Variants in TBX20 observed in about 807,000 individuals in gnomAD.
The protein encoded by TBX20 is T-box transcription factor TBX20.
TBX20 carries 8 observed loss-of-function variants against 42.9 expected under a neutral mutation model. That is an observed-to-expected ratio of 0.19 (90% CI 0.11 to 0.34). The LOEUF is 0.34. TBX20 is among the 10% of genes least tolerant of loss of function. The probability of loss-of-function intolerance (pLI) is 1.00; values close to 1 mark genes in which losing one functional copy is unlikely to be tolerated. For missense variants in TBX20, 411 were observed against 566.0 expected, an observed-to-expected ratio of 0.73 and a Z score of 2.78; for synonymous variants, 198 against 222.8, an observed-to-expected ratio of 0.89 and a Z score of 0.99.
At chr7:35,213,877 CAAAAAAAAAA>C in intron 6 of TBX20, among the ~76,000 whole-genome samples, 1 of 59,772 alleles carries the variant, frequency 1.7e-5, no homozygotes, top group East Asian at 5.4e-4. Flanking sequence ...GCAGAGATAG[CAAAAAAAAAA>C]AAAAAAAAAA....
In TBX20 at chr7:35,249,750, A is replaced by G. The variant is rs1401102733; in HGVS notation, c.380+201T>C. Among the ~76,000 whole-genome samples the G allele has an allele frequency of 6.6e-6, 1 of 152,156 alleles. No individual in the cohort carries two copies. Among genetic ancestry groups the G allele is most frequent in the Non-Finnish European group, 1.5e-5 (1 of 68,032 alleles). ...CAACAAAGCCAGGGTGGGGCTTCCC[A>G]TGACCAAATCCTGAGAACGCAAATG... On this transcript the variant is annotated intron_variant, in intron 2 of 7. Coordinates refer to ENST00000408931, the MANE Select transcript of TBX20 (RefSeq NM_001077653.2). This position sits in a 1 kb window ranked among gnomAD's most constrained non-coding sequence, Gnocchi z 4.3.
intron 6 of TBX20, among the ~76,000 whole-genome samples, chr7:35,220,886 T>C (rs72648159): frequency 6.6e-6 from 1 of 152,194 alleles, no homozygotes. Flanking sequence ...ATTAATAAAA[T>C]AGGGACTAGT....
intron 3 of TBX20, among the ~76,000 whole-genome samples, chr7:35,245,830 T>C (rs1347820743): frequency 6.6e-6 from 1 of 152,216 alleles, no homozygotes; most frequent in Non-Finnish European, 1.5e-5. Flanking sequence ...TTTCTACCTG[T>C]GACAACGCCT....
chr7:35,209,292 C>T (rs1407991044), intron 6 of TBX20, among the ~76,000 whole-genome samples: 1 of 152,152 alleles, frequency 6.6e-6, no homozygotes, highest in Non-Finnish European at 1.5e-5. Context: ...TGGTATCTTT[C>T]ACCAGTGAAA....
At chr7:35,208,020 A>G (rs1454806520) in intron 6 of TBX20, among the ~76,000 whole-genome samples, 1 of 152,200 alleles carries the variant, frequency 6.6e-6, no homozygotes, top group Non-Finnish European at 1.5e-5. Flanking sequence ...CTACATATCA[A>G]TTTGTGCATA....
chr7:35,244,432 T>C (rs1790141671), intron 4 of TBX20, among the ~76,000 whole-genome samples: 1 of 150,152 alleles, frequency 6.7e-6, no homozygotes, highest in Admixed American at 6.7e-5. Flanking sequence ...CAAAAAAAAA[T>C]GGTTACATAA....
chr7:35,210,581 C>T (rs1287492042), intron 6 of TBX20, among the ~76,000 whole-genome samples: 4 of 151,932 alleles, frequency 2.6e-5, no homozygotes, highest in Non-Finnish European at 5.9e-5. Flanking sequence ...TTTTTTTATA[C>T]TTCTATCAGA....
chr7:35,245,010 T>G lies in TBX20; in HGVS notation c.593A>C (p.Lys198Thr). 1.2e-6 allele frequency: 2 copies of G among 1,613,904 alleles called. No homozygotes were observed. The highest frequency in any genetic ancestry group is 1.7e-6 in the Non-Finnish European group (2 of 1,179,816). ...DSPFTGEQLL[K>T]QMVSFEKVKL... ...CACCTTTTCAAAAGACACCATCTGT[T>G]TGAGTAGTTGCTCACCGGTAAAAGG... Residue 198 changes from lysine to threonine, a missense_variant, in exon 4 of 8, where the codon AAA (lysine) becomes ACA (threonine). Transcript: ENST00000408931.
Position 35,213,704 on chromosome 7 carries a change from A to G in TBX20, c.891-9122T>C, listed in dbSNP as rs1161800653. On this transcript the variant is annotated intron_variant, in intron 6 of 7. Transcript: ENST00000408931. ...TTAATGTCACTTATCAAATGCATGA[A>G]TGAATAGATGAGTAGGTGATCATCT... is the stretch of plus-strand genomic sequence containing the variant. 2.6e-5 allele frequency among the ~76,000 whole-genome samples: 4 copies of G among 152,148 alleles called. No homozygotes were observed. The East Asian group carries it at 7.7e-4, about 29-fold the overall frequency.
At chr7:35,217,456 G>A (rs1789609922) in intron 6 of TBX20, among the ~76,000 whole-genome samples, 2 of 152,200 alleles carry the variant, frequency 1.3e-5, no homozygotes, top group South Asian at 2.1e-4. Context: ...ACAACCGTAA[G>A]TTAATTGTGA....
At chr7:35,213,151 A>G (rs1268002206) in intron 6 of TBX20, among the ~76,000 whole-genome samples, 1 of 152,164 alleles carries the variant, frequency 6.6e-6, no homozygotes, top group African/African-American at 2.4e-5. Flanking sequence ...TTGTTGCCTG[A>G]TATCCAGTGT....
At chr7:35,203,628 G>C (rs1789344589) in intron 7 of TBX20, among the ~76,000 whole-genome samples, 1 of 152,158 alleles carries the variant, frequency 6.6e-6, no homozygotes. Context: ...TACAGGTAAG[G>C]CTTCTGATCA....
chr7:35,242,371 G>T (rs969575282), intron 4 of TBX20, among the ~76,000 whole-genome samples: 1 of 152,114 alleles, frequency 6.6e-6, no homozygotes, highest in African/African-American at 2.4e-5. Context: ...TCAAAATAAT[G>T]TTTTTGAATG....
chr7:35,241,216 T>C (rs1790074854), intron 4 of TBX20, among the ~76,000 whole-genome samples, 179 bp from the exon 5 acceptor site: 2 of 152,254 alleles, frequency 1.3e-5, no homozygotes, highest in East Asian at 1.9e-4. Context: ...AGAGTCATTG[T>C]TGTGAATCAC....
At chr7:35,216,972 T>C (rs1028727764) in intron 6 of TBX20, among the ~76,000 whole-genome samples, 2 of 152,156 alleles carry the variant, frequency 1.3e-5, no homozygotes, top group Non-Finnish European at 2.9e-5. Flanking sequence ...TATAAATTAC[T>C]GGAAGACAAT....
At position 35,243,697 on chromosome 7, in the gene TBX20, T is replaced by TAA. The variant is rs58551309; in HGVS notation, c.654+1250_654+1251dup. On this transcript the variant is annotated intron_variant, in intron 4 of 7. Transcript: ENST00000408931. The stretch of plus-strand genomic sequence containing the variant: ...AAAAAATTTATCAGTGGAAGCATGT[T>TAA]AAAAAAAACAAAAGAAAATTATGCC... Among the ~76,000 whole-genome samples the TAA allele has an allele frequency of 1.3e-4, 20 of 151,700 alleles. No individual in the cohort carries two copies. In the East Asian group the frequency reaches 1.6e-3, roughly 12 times the overall value.
intron 6 of TBX20, among the ~76,000 whole-genome samples, chr7:35,211,234 A>C (rs538890434): frequency 6.6e-6 from 1 of 151,982 alleles, no homozygotes; most frequent in Non-Finnish European, 1.5e-5. Context: ...TCTAATTATT[A>C]TTATATTTGT....
chr7:35,229,024 G>T (rs1789824131), intron 6 of TBX20, among the ~76,000 whole-genome samples: 2 of 152,170 alleles, frequency 1.3e-5, no homozygotes, highest in South Asian at 2.1e-4. Flanking sequence ...TCGTGTAGCT[G>T]TAGAAGGATT....
rs369184583 is a variant in TBX20 at position 35,217,205 on chromosome 7, T to C, written c.891-12623A>G. ...TTACTGATTTTTCTTTTCAGTAATA[T>C]ACATTTCTGGTTTTGTATTATCATT... On this transcript the variant is annotated intron_variant, in intron 6 of 7. Transcript: ENST00000408931. Among the ~76,000 whole-genome samples, 2 of 152,228 alleles carry C rather than the reference T, an allele frequency of 1.3e-5. 1 individual carries two copies. The highest frequency in any genetic ancestry group is 1.3e-4 in the Admixed American group (2 of 15,278).
Sources: allele counts gnomAD v4.1 joint callset (sites outside exome capture counted in the v4.1 genomes callset), GRCh38; gene constraint gnomAD v4.1.1; non-coding constraint Gnocchi (gnomAD v3.1); transcripts MANE v1.5; gene names NCBI Gene and HGNC (gene_info 2026-07-23, HGNC 2026-07-21).